Variants in B3GALT1 observed in about 807,000 individuals in gnomAD.
The protein encoded by B3GALT1 is UDP-Gal:betaGlcNAc beta 1,3-galactosyltransferase, polypeptide 1.
Under a neutral mutation model 23.2 loss-of-function variants are expected in B3GALT1, and 10 were observed. The observed-to-expected ratio is 0.43, with a 90% confidence interval of 0.27 to 0.73. B3GALT1 has a LOEUF of 0.73. Among genes scored for constraint, B3GALT1 ranks in the 30% least tolerant of loss-of-function variants. The probability of loss-of-function intolerance (pLI) is 0.21; values close to 1 mark genes in which losing one functional copy is unlikely to be tolerated. For missense variants in B3GALT1, 299 were observed against 405.4 expected, an observed-to-expected ratio of 0.74 and a Z score of 2.25; for synonymous variants, 156 against 141.5, an observed-to-expected ratio of 1.10 and a Z score of -0.73.
chr2:167,466,576 C>T (rs189845493), intron 1 of B3GALT1, among the ~76,000 whole-genome samples: 26 of 141,152 alleles, frequency 1.8e-4, no homozygotes, highest in African/African-American at 6.0e-4. Flanking sequence ...GCTAAGATCC[C>T]GCCACTGCAC....
intron 2 of B3GALT1, among the ~76,000 whole-genome samples, chr2:167,501,294 G>A (rs1699844552): frequency 6.6e-6 from 1 of 151,522 alleles, no homozygotes. Context: ...TTATTAAATA[G>A]CAAATGAAAG....
intron 4 of B3GALT1, among the ~76,000 whole-genome samples, chr2:167,838,536 T>C (rs1203481350): frequency 6.6e-6 from 1 of 152,394 alleles, no homozygotes; most frequent in Non-Finnish European, 1.5e-5. Flanking sequence ...TAATAATCAA[T>C]AGCTTACCGA....
rs531223583 is a variant in B3GALT1 at position 167,418,188 on chromosome 2, A to C, written c.-510-71989A>C. Among the ~76,000 whole-genome samples, 3 of 152,316 alleles carry C rather than the reference A, an allele frequency of 2.0e-5. No individual in the cohort carries two copies. The South Asian group carries it at 6.2e-4, about 32-fold the overall frequency. On this transcript the variant is annotated intron_variant, in intron 1 of 4. Coordinates refer to ENST00000392690, the MANE Select transcript of B3GALT1 (RefSeq NM_020981.4). The stretch of plus-strand genomic sequence containing the variant: ...GTTTCCATCAAGCCACTGACTCTCA[A>C]AGTTACAGATCCCAGTCCCTGTGCT...
chr2:167,663,808 C>G (rs952671880), intron 3 of B3GALT1, among the ~76,000 whole-genome samples: 16 of 151,970 alleles, frequency 1.1e-4, no homozygotes, highest in East Asian at 7.7e-4. Flanking sequence ...TGATGGGGTT[C>G]TTTGTTTTTT....
At chr2:167,447,319 T>G (rs1018763317) in intron 1 of B3GALT1, among the ~76,000 whole-genome samples, 4 of 152,200 alleles carry the variant, frequency 2.6e-5, no homozygotes, top group Non-Finnish European at 5.9e-5. Flanking sequence ...AGGGACCCAC[T>G]TGAGGAGGCA....
chr2:167,411,077 A>G (rs1216458401), intron 1 of B3GALT1, among the ~76,000 whole-genome samples: 2 of 152,048 alleles, frequency 1.3e-5, no homozygotes, highest in Non-Finnish European at 2.9e-5. Flanking sequence ...TGTCTACACA[A>G]GTGTTACAAA....
chr2:167,362,703 G>T (rs1054640515), intron 1 of B3GALT1, among the ~76,000 whole-genome samples: 4 of 149,910 alleles, frequency 2.7e-5, no homozygotes, highest in Non-Finnish European at 4.4e-5. Flanking sequence ...TTTTCCTCTT[G>T]TCTCCTTTTT....
chr2:167,621,189 A>G (rs1685251608), intron 2 of B3GALT1, among the ~76,000 whole-genome samples: 1 of 150,290 alleles, frequency 6.7e-6, no homozygotes, highest in Admixed American at 6.7e-5. Flanking sequence ...CTGGGGCTCA[A>G]GCAATCCTGC....
At chr2:167,579,898 A>G (rs1375713256) in intron 2 of B3GALT1, among the ~76,000 whole-genome samples, 2 of 152,142 alleles carry the variant, frequency 1.3e-5, no homozygotes, top group Non-Finnish European at 2.9e-5. Flanking sequence ...ATTTTTAAAA[A>G]TATTTTAAGT....
At chr2:167,587,666 G>A (rs1385218930) in intron 2 of B3GALT1, among the ~76,000 whole-genome samples, 3 of 152,062 alleles carry the variant, frequency 2.0e-5, no homozygotes, top group Admixed American at 6.6e-5. Context: ...ACAAGATATG[G>A]CACATAAAGT....
At chr2:167,549,472 C>T (rs1363409252) in intron 2 of B3GALT1, among the ~76,000 whole-genome samples, 1 of 152,188 alleles carries the variant, frequency 6.6e-6, no homozygotes, top group East Asian at 1.9e-4. Flanking sequence ...CAACAAGAAG[C>T]TTCCCATTAA....
chr2:167,399,833 GT>G lies in B3GALT1; in HGVS notation c.-510-90339del, dbSNP rs1698158989. Among the ~76,000 whole-genome samples, 4 of 151,944 alleles carry G rather than the reference GT, an allele frequency of 2.6e-5. No homozygotes were observed. In the South Asian group the frequency reaches 8.3e-4, roughly 32 times the overall value. On this transcript the variant is annotated intron_variant, in intron 1 of 4. Coordinates refer to ENST00000392690, the MANE Select transcript of B3GALT1 (RefSeq NM_020981.4). ...GGGATTTTATATTTTCTTCTGTCTT[GT>G]TTTTACCCTCATTTTGCTAGGGTAT...
chr2:167,557,861 G>A (rs920890021), intron 2 of B3GALT1, among the ~76,000 whole-genome samples: 1 of 152,206 alleles, frequency 6.6e-6, no homozygotes, highest in Non-Finnish European at 1.5e-5. Flanking sequence ...CTGTTGGCCA[G>A]CATCACTTAT....
chr2:167,694,228 A>T (rs1005004128), intron 3 of B3GALT1, among the ~76,000 whole-genome samples: 1 of 152,168 alleles, frequency 6.6e-6, no homozygotes, highest in Non-Finnish European at 1.5e-5. Context: ...TATTGCAGGC[A>T]TAATTCTCAG....
At chr2:167,485,212 A>C (rs1303861893) in intron 1 of B3GALT1, among the ~76,000 whole-genome samples, 1 of 152,186 alleles carries the variant, frequency 6.6e-6, no homozygotes, top group Non-Finnish European at 1.5e-5. Context: ...TTTTCATTAA[A>C]TATCAAAATA....
At chr2:167,645,695 G>A (rs889945236) in intron 2 of B3GALT1, among the ~76,000 whole-genome samples, 3 of 151,072 alleles carry the variant, frequency 2.0e-5, no homozygotes, top group Non-Finnish European at 4.4e-5. Flanking sequence ...AACCTCCTGA[G>A]TAGGCGGGAT....
At chr2:167,751,803 T>A (rs1687743663) in intron 3 of B3GALT1, among the ~76,000 whole-genome samples, 1 of 152,124 alleles carries the variant, frequency 6.6e-6, no homozygotes, top group Non-Finnish European at 1.5e-5. Context: ...ACCTCTGGAG[T>A]GTGTGCCCGA....
intron 2 of B3GALT1, among the ~76,000 whole-genome samples, chr2:167,498,991 T>G (rs982244363): frequency 6.6e-6 from 1 of 152,208 alleles, no homozygotes; most frequent in Non-Finnish European, 1.5e-5. Context: ...TTGGTCTGTA[T>G]GTAAGACCTG....
intron 4 of B3GALT1, among the ~76,000 whole-genome samples, chr2:167,863,191 CT>C (rs1265689340): frequency 6.6e-6 from 1 of 151,222 alleles, no homozygotes; most frequent in Admixed American, 6.6e-5. Flanking sequence ...TTTCAGTGGG[CT>C]TTTGGCTTTG....
Sources: allele counts gnomAD v4.1 joint callset (sites outside exome capture counted in the v4.1 genomes callset), GRCh38; gene constraint gnomAD v4.1.1; transcripts MANE v1.5; gene names NCBI Gene and HGNC (gene_info 2026-07-23, HGNC 2026-07-21).